The following MYO16 variants were observed in gnomAD, a reference collection of about 807,000 sequenced individuals.
MYO16 encodes the protein myosin XVI.
In MYO16, 94 loss-of-function variants were observed where a neutral mutation model predicts 205.3. The observed-to-expected ratio is 0.46, with a 90% confidence interval of 0.39 to 0.54. MYO16 has a LOEUF of 0.54. MYO16 is among the 20% of genes least tolerant of loss of function. MYO16 has a pLI of 0.00. For missense variants in MYO16, 2,315 were observed against 2,387.5 expected (o/e 0.97, Z 0.63); for synonymous variants, 988 against 954.0 (o/e 1.04, Z -0.66).
rs543779546 is a variant in MYO16, at chr13:108,812,439, C to G, written c.867+5635C>G. On this transcript the variant is annotated intron_variant, in intron 7 of 34. Coordinates refer to ENST00000457511, the MANE Select transcript of MYO16 (RefSeq NM_001198950.3). ...GAATCAATAAATGCCCTAATGATCA[C>G]TGAATAAATGTGTGAGCAGTAGGTG... Among the ~76,000 whole-genome samples, 4 of 152,276 alleles carry G rather than the reference C, an allele frequency of 2.6e-5. No homozygotes were observed. The South Asian group carries it at 6.2e-4, about 24-fold the overall frequency.
chr13:108,909,448 G>A (rs1046336628), intron 15 of MYO16, among the ~76,000 whole-genome samples: 1 of 152,098 alleles, frequency 6.6e-6, no homozygotes, highest in East Asian at 1.9e-4. Flanking sequence ...TACATTATGT[G>A]TATTAAACTA....
At chr13:109,034,447 C>T (rs1204204871) in intron 23 of MYO16, among the ~76,000 whole-genome samples, 1 of 152,132 alleles carries the variant, frequency 6.6e-6, no homozygotes, top group Non-Finnish European at 1.5e-5. Flanking sequence ...AGCACTTCTC[C>T]TTCCTGCAGC....
At position 108,598,972 on chromosome 13, in the gene MYO16, T is replaced by C. The variant is rs1391610468; in HGVS notation, c.-39+2733T>C. Among the ~76,000 whole-genome samples the C allele has an allele frequency of 5.3e-3, 793 of 149,222 alleles. 13 individuals carry two copies. The highest frequency in any genetic ancestry group is 0.019 in the African/African-American group (759 of 40,450). Reference sequence around the variant, plus strand: ...TTAACTCGTCATTTAGCATTAGGTATATCTCCTAATGCTATCCCTCCCCCC... The same window carrying C: ...TTAACTCGTCATTTAGCATTAGGTACATCTCCTAATGCTATCCCTCCCCCC... On this transcript the variant is annotated intron_variant, in intron 1 of 24. Transcript: ENST00000251041.
At chr13:109,007,239 T>A (rs1340266156) in intron 21 of MYO16, among the ~76,000 whole-genome samples, 1 of 151,850 alleles carries the variant, frequency 6.6e-6, no homozygotes, top group Non-Finnish European at 1.5e-5. Context: ...ATACAAAAAA[T>A]TAGCTGGGTG....
intron 1 of MYO16, among the ~76,000 whole-genome samples, chr13:108,612,012 G>T (rs1470097072): frequency 8.6e-6 from 1 of 116,708 alleles, no homozygotes; most frequent in Non-Finnish European, 1.6e-5. Context: ...GTCTCGCTCT[G>T]TCGCCCAGGC....
At chr13:109,199,896 A>T (rs989518428) in intron 34 of MYO16, among the ~76,000 whole-genome samples, 1 of 152,210 alleles carries the variant, frequency 6.6e-6, no homozygotes, top group African/African-American at 2.4e-5. Context: ...GATTTACATG[A>T]TTTTACAGCA....
chr13:108,688,193 G>GGGCCTT (rs1327358355), intron 2 of MYO16, among the ~76,000 whole-genome samples: 3 of 151,992 alleles, frequency 2.0e-5, no homozygotes, highest in East Asian at 3.9e-4. Context: ...TTAATTACAA[G>GGGCCTT]AGCCTTGTAA....
chr13:109,122,445 G>A (rs546916232), intron 29 of MYO16, among the ~76,000 whole-genome samples: 64 of 152,252 alleles, frequency 4.2e-4, no homozygotes, highest in African/African-American at 1.5e-3. Context: ...TTGGGAGGCC[G>A]AGGCAGGCGG....
chr13:108,863,245 C>T (rs1372384090), intron 11 of MYO16, among the ~76,000 whole-genome samples: 4 of 151,868 alleles, frequency 2.6e-5, no homozygotes, highest in Non-Finnish European at 1.5e-5. Context: ...CTGGAAGTGT[C>T]GATAATAAGT....
chr13:108,651,159 T>G (rs1157395420), intron 1 of MYO16, among the ~76,000 whole-genome samples: 3 of 152,184 alleles, frequency 2.0e-5, no homozygotes, highest in Admixed American at 2.0e-4. Flanking sequence ...CTGGCTGGTC[T>G]CTGCAGGGAA....
intron 22 of MYO16, among the ~76,000 whole-genome samples, chr13:109,015,244 G>C (rs938676859): frequency 9.2e-5 from 14 of 152,182 alleles, no homozygotes; most frequent in African/African-American, 3.4e-4. Context: ...CTTTGGCTCT[G>C]TTTATGTGAT....
At chr13:108,888,859 G>A (rs907762499) in intron 14 of MYO16, among the ~76,000 whole-genome samples, 29 of 151,882 alleles carry the variant, frequency 1.9e-4, no homozygotes, top group African/African-American at 6.8e-4. Flanking sequence ...GTTCGAGATC[G>A]GCCTGGCCAA....
In MYO16 at chr13:108,665,932, C is replaced by A; in HGVS notation, c.75C>A (p.Ile25=). The A allele has an allele frequency of 1.2e-6, 2 of 1,614,022 alleles. No homozygotes were observed. Among genetic ancestry groups the A allele is most frequent in the South Asian group, 1.1e-5 (1 of 91,064 alleles). The stretch of plus-strand genomic sequence containing the variant: ...TTTTTCGATCCCATGAGATGGAAAT[C>A]GACCAGTGCTTGCTAGAGTCCCTTC... The part of the protein sequence containing the change: ...CNVFRSHEME[I]DQCLLESLPL... The change falls in exon 2 of 35, where the codon ATC becomes ATA. Residue 25 remains isoleucine, a synonymous_variant. Transcript: ENST00000457511.
chr13:109,177,546 TCTCA>T (rs1040695917), intron 33 of MYO16, among the ~76,000 whole-genome samples: 1 of 152,040 alleles, frequency 6.6e-6, no homozygotes. Flanking sequence ...TGAGATGGAG[TCTCA>T]CTCTGTCACC....
At chr13:108,528,903 G>A in the MYO16 span, among the ~76,000 whole-genome samples, 1 of 151,736 alleles carries the variant, frequency 6.6e-6, no homozygotes, top group Non-Finnish European at 1.5e-5. Flanking sequence ...CAAGGTAAAG[G>A]TTTAGACCAG....
At chr13:108,611,358 C>A (rs1486359277) in intron 1 of MYO16, among the ~76,000 whole-genome samples, 1 of 151,926 alleles carries the variant, frequency 6.6e-6, no homozygotes, top group Non-Finnish European at 1.5e-5. Flanking sequence ...GGAAGTCACA[C>A]TGAAACAAAT....
chr13:109,044,978 G>A (rs116936566), intron 23 of MYO16, among the ~76,000 whole-genome samples: 5,277 of 152,238 alleles, frequency 0.035, 135 homozygotes, highest in South Asian at 0.056. Flanking sequence ...GTGAGCCACC[G>A]CACTCGGCCC....
chr13:108,549,147 T>C, the MYO16 span, among the ~76,000 whole-genome samples: 2 of 152,160 alleles, frequency 1.3e-5, no homozygotes, highest in African/African-American at 4.8e-5. Context: ...CCCAGAAACT[T>C]TGAGTATATT....
chr13:108,978,028 G>C (rs1884326199), intron 20 of MYO16, among the ~76,000 whole-genome samples: 1 of 151,488 alleles, frequency 6.6e-6, no homozygotes, highest in Admixed American at 6.6e-5. Flanking sequence ...TCAATTTCAT[G>C]CACACCTTTA....
Sources: allele counts gnomAD v4.1 joint callset (sites outside exome capture counted in the v4.1 genomes callset), GRCh38; gene constraint gnomAD v4.1.1; transcripts MANE v1.5; gene names NCBI Gene and HGNC (gene_info 2026-07-23, HGNC 2026-07-21).